Variants in DNAAF19 observed in about 807,000 individuals in gnomAD.
DNAAF19 encodes coiled-coil domain containing 103.
chr17:44,901,393 G>T, the DNAAF19 span: 1 of 1,189,336 alleles, frequency 8.4e-7, no homozygotes, highest in African/African-American at 1.5e-5. Context: ...GTCAGCTATC[G>T]CTGTTGTTAT....
chr17:44,905,337 A>C, the DNAAF19 span: 1 of 480,892 alleles, frequency 2.1e-6, no homozygotes, highest in South Asian at 2.8e-5. Context: ...TCAGAGAAGG[A>C]AAGTGTGAAC....
At chr17:44,903,110 AGT>A in the DNAAF19 span, 1 of 1,305,386 alleles carries the variant, frequency 7.7e-7, no homozygotes, top group Non-Finnish European at 9.7e-7. Flanking sequence ...TTGAGAGATG[AGT>A]GTGTGCCCAA....
chr17:44,901,742 T>C, the DNAAF19 span: 1 of 1,456,908 alleles, frequency 6.9e-7, no homozygotes, highest in Non-Finnish European at 9.4e-7. Context: ...TTTGTTTTGT[T>C]TTTTTAACCA....
the DNAAF19 span, chr17:44,901,601 TCA>T: frequency 6.2e-7 from 1 of 1,614,140 alleles, no homozygotes. Context: ...CCTGGAACTG[TCA>T]CACTATTCAG....
chr17:44,904,442 C>G, the DNAAF19 span: 3 of 1,542,418 alleles, frequency 1.9e-6, no homozygotes, highest in Non-Finnish European at 2.6e-6. Flanking sequence ...CCCACGCTAC[C>G]TCAAGGCCGT....
chr17:44,903,335 C>G, the DNAAF19 span: 1 of 1,247,140 alleles, frequency 8.0e-7, no homozygotes. Context: ...CAGGTTGGGC[C>G]TGGGAAAGTC....
At chr17:44,903,638 G>A in the DNAAF19 span, 1 of 1,431,582 alleles carries the variant, frequency 7.0e-7, no homozygotes, top group East Asian at 2.5e-5. Context: ...TGTTAGAAGG[G>A]CATCTTGTAC....
the DNAAF19 span, among the ~76,000 whole-genome samples, chr17:44,900,146 G>A: frequency 5.6e-3 from 853 of 152,168 alleles, 7 homozygotes; most frequent in African/African-American, 0.02. Context: ...AGTGGCTCAC[G>A]CCTGTAATCC....
the DNAAF19 span, chr17:44,904,186 C>A: frequency 1.3e-6 from 2 of 1,550,542 alleles, no homozygotes. Context: ...AGTCTGAGGA[C>A]TCAGGCCTGT....
chr17:44,903,606 C>T, the DNAAF19 span: 20,962 of 1,404,960 alleles, frequency 0.015, 208 homozygotes, highest in Non-Finnish European at 0.018. Flanking sequence ...TTTCCCCCCC[C>T]ACCCTGAGAT....
At chr17:44,903,965 G>A in the DNAAF19 span, 146 of 1,550,600 alleles carry the variant, frequency 9.4e-5, no homozygotes, top group Middle Eastern at 6.7e-4. Flanking sequence ...CTACCTGGCC[G>A]ACATGAGCTT....
the DNAAF19 span, chr17:44,903,680 C>T: frequency 3.7e-5 from 53 of 1,435,324 alleles, no homozygotes; most frequent in East Asian, 5.5e-4. Context: ...TTGCACTTGG[C>T]GGCTTCCTCT....
At chr17:44,901,646 C>T in the DNAAF19 span, 1 of 1,614,138 alleles carries the variant, frequency 6.2e-7, no homozygotes, top group South Asian at 1.1e-5. Flanking sequence ...CCACTGAAAT[C>T]TCCCCGGTAG....
At chr17:44,904,131 C>T in the DNAAF19 span, 178,039 of 1,550,342 alleles carry the variant, frequency 0.11, 10,821 homozygotes, top group East Asian at 0.21. Flanking sequence ...GACATGCTGA[C>T]CCGCTTCAGC....
At chr17:44,904,416 A>G in the DNAAF19 span, 1 of 1,542,680 alleles carries the variant, frequency 6.5e-7, no homozygotes, top group South Asian at 1.2e-5. Context: ...TGCTACCTGC[A>G]GAGCCCAGAC....
the DNAAF19 span, chr17:44,904,457 G>A: frequency 2.8e-5 from 43 of 1,543,966 alleles, 1 homozygote; most frequent in African/African-American, 2.3e-4. Flanking sequence ...GGCCGTGCCC[G>A]ATGTGGTGTC....
the DNAAF19 span, chr17:44,904,635 T>C: frequency 6.4e-7 from 1 of 1,550,534 alleles, no homozygotes; most frequent in Non-Finnish European, 8.7e-7. Context: ...CGGCCCTGGG[T>C]GCCCCAGGTG....
At chr17:44,905,217 C>G in the DNAAF19 span, 3 of 675,238 alleles carry the variant, frequency 4.4e-6, no homozygotes, top group Non-Finnish European at 7.6e-6. Flanking sequence ...TTTTCATGGG[C>G]AGGTCTGGGA....
the DNAAF19 span, chr17:44,905,102 C>T: frequency 1.4e-6 from 2 of 1,469,552 alleles, no homozygotes; most frequent in African/African-American, 1.4e-5. Flanking sequence ...GACCAGTTGT[C>T]CTTCAATGTG....
Sources: allele counts gnomAD v4.1 joint callset (sites outside exome capture counted in the v4.1 genomes callset), GRCh38; gene constraint gnomAD v4.1.1; transcripts MANE v1.5; gene names NCBI Gene and HGNC (gene_info 2026-07-23, HGNC 2026-07-21).